Variants in GNB1 observed in about 807,000 individuals in gnomAD.
The protein encoded by GNB1 is G protein subunit beta 1.
A neutral mutation model predicts 42.9 loss-of-function variants in GNB1; 2 were observed. That is an observed-to-expected ratio of 0.05 (90% CI 0.02 to 0.15). The LOEUF (loss-of-function observed/expected upper bound fraction) is 0.15. Ranked by LOEUF, GNB1 falls within the 10% of genes least tolerant of loss-of-function variation. GNB1 has a pLI of 1.00. For missense variants in GNB1, 193 were observed against 462.2 expected (o/e 0.42, Z 5.34); for synonymous variants, 183 against 174.7 (o/e 1.05, Z -0.38).
intron 2 of GNB1, among the ~76,000 whole-genome samples, chr1:1,827,598 C>T (rs919488820): frequency 2.6e-5 from 4 of 152,112 alleles, no homozygotes; most frequent in African/African-American, 4.8e-5. Flanking sequence ...GATTTGTGGA[C>T]GTTAATGTGT....
chr1:1,808,499 C>T (rs1646732427), intron 5 of GNB1, among the ~76,000 whole-genome samples: 1 of 152,158 alleles, frequency 6.6e-6, no homozygotes, highest in Admixed American at 6.5e-5. Flanking sequence ...CTAAGGAACC[C>T]TGTAGCACAG....
At chr1:1,802,137 C>T (rs1166797645) in intron 7 of GNB1, among the ~76,000 whole-genome samples, 1 of 152,168 alleles carries the variant, frequency 6.6e-6, no homozygotes, top group Non-Finnish European at 1.5e-5. Context: ...CCTGCATGAG[C>T]ATTTCATAGA....
chr1:1,806,584 G>A, intron 5 of GNB1, 46 bp from the exon 6 acceptor site: 1 of 1,306,414 alleles, frequency 7.7e-7, no homozygotes, highest in Non-Finnish European at 1.1e-6. Flanking sequence ...GCACAACACA[G>A]AAAGTGTACA....
At chr1:1,859,780 G>A (rs1400846289) in intron 1 of GNB1, among the ~76,000 whole-genome samples, 4 of 151,648 alleles carry the variant, frequency 2.6e-5, no homozygotes, top group African/African-American at 9.7e-5. Flanking sequence ...AGGCCGAGAG[G>A]CGGGCAAATC....
intron 1 of GNB1, among the ~76,000 whole-genome samples, chr1:1,857,250 C>G (rs367992087): frequency 0.14 from 21,680 of 152,126 alleles, 1,807 homozygotes; most frequent in Middle Eastern, 0.3. Flanking sequence ...GGAAACTAAA[C>G]TGGAAACGAG....
intron 1 of GNB1, among the ~76,000 whole-genome samples, chr1:1,880,622 G>A (rs186629869): frequency 6.6e-6 from 1 of 152,096 alleles, no homozygotes; most frequent in East Asian, 1.9e-4. Context: ...GATGAAAACA[G>A]TTCTGACTAA....
At chr1:1,815,728 G>A (rs1325575482) in intron 5 of GNB1, 28 bp downstream of exon 5, 8 of 1,173,930 alleles carry the variant, frequency 6.8e-6, no homozygotes, top group Non-Finnish European at 1.0e-5. Context: ...AATGTAACAA[G>A]CAGCATCCTG....
At chr1:1,852,822 A>G (rs528032113) in intron 1 of GNB1, among the ~76,000 whole-genome samples, 4 of 151,800 alleles carry the variant, frequency 2.6e-5, no homozygotes, top group African/African-American at 9.7e-5. Context: ...TCACCAACCC[A>G]GCTCCACATC....
At chr1:1,882,288 C>T (rs964267028) in intron 1 of GNB1, among the ~76,000 whole-genome samples, 4 of 152,086 alleles carry the variant, frequency 2.6e-5, no homozygotes, top group South Asian at 2.1e-4. Flanking sequence ...ATTAGCTAGG[C>T]GTGGCGGCAT....
At chr1:1,861,239 T>C (rs1379258048) in intron 1 of GNB1, among the ~76,000 whole-genome samples, 1 of 152,008 alleles carries the variant, frequency 6.6e-6, no homozygotes, top group Non-Finnish European at 1.5e-5. Context: ...GGGAGACTGT[T>C]AGAAGCCAGG....
At chr1:1,846,978 C>T (rs1012664149) in intron 1 of GNB1, among the ~76,000 whole-genome samples, 39 of 152,162 alleles carry the variant, frequency 2.6e-4, no homozygotes, top group Non-Finnish European at 4.4e-5. Context: ...TTCTGCCAAC[C>T]AAGAGGCACC....
At chr1:1,860,640 C>CA (rs1367327181) in intron 1 of GNB1, among the ~76,000 whole-genome samples, 1,862 of 72,816 alleles carry the variant, frequency 0.026, 27 homozygotes, top group African/African-American at 0.076. Context: ...CCATCTCCAA[C>CA]AAAAAAAAAA....
intron 1 of GNB1, among the ~76,000 whole-genome samples, chr1:1,841,080 C>T (rs1267745517): frequency 1.3e-5 from 2 of 151,598 alleles, no homozygotes; most frequent in African/African-American, 2.4e-5. Flanking sequence ...TTAGTAGAGA[C>T]GGGTTTTCAC....
chr1:1,831,259 T>G (rs6603796), intron 2 of GNB1, among the ~76,000 whole-genome samples: 1 of 151,952 alleles, frequency 6.6e-6, no homozygotes, highest in African/African-American at 2.4e-5. Flanking sequence ...ATCGCTTGAG[T>G]CCAGGAGTTC....
intron 1 of GNB1, among the ~76,000 whole-genome samples, chr1:1,878,601 A>G (rs578153916): frequency 6.6e-6 from 1 of 152,324 alleles, no homozygotes; most frequent in African/African-American, 2.4e-5. Flanking sequence ...CATCTTTTTC[A>G]GCACACAGCC....
rs75116681 is a variant in GNB1, at chr1:1,881,552, C to T, written c.-96+9268G>A. On this transcript the variant is annotated intron_variant, in intron 1 of 11. Transcript: ENST00000378609. ...ATGAGTAGCTGAGAATACAGGTGTG[C>T]GCCACCAAGCCTAATTTTTATATGT... is the stretch of plus-strand genomic sequence containing the variant. Among the ~76,000 whole-genome samples, 455 of 152,048 alleles carry T rather than the reference C, an allele frequency of 3.0e-3. 17 individuals carry two copies. In the East Asian group the frequency reaches 0.074, roughly 25 times the overall value.
rs867208746 is a variant in GNB1, at chr1:1,815,113, A to T, written c.203+643T>A. Among the ~76,000 whole-genome samples the T allele has an allele frequency of 8.8e-3, 1,222 of 138,880 alleles. 20 individuals carry two copies. The highest frequency in any genetic ancestry group is 0.031 in the African/African-American group (1,171 of 37,836). 91.1% of individuals were successfully genotyped at this position (138,880 alleles called of 152,430 possible). A position where few individuals can be genotyped will look rare whatever the true frequency, so the allele number is the denominator to read the frequency against. Reference sequence around the variant, plus strand: ...GGCAACACAGTGAGACTCCGTCTTTAAAAAAAAAAAAAAAAAGAGAAAAGA... The same window carrying T: ...GGCAACACAGTGAGACTCCGTCTTTTAAAAAAAAAAAAAAAAGAGAAAAGA... On this transcript the variant is annotated intron_variant, in intron 5 of 11. Transcript: ENST00000378609.
At chr1:1,863,563 G>T (rs1648746515) in intron 1 of GNB1, among the ~76,000 whole-genome samples, 2 of 152,108 alleles carry the variant, frequency 1.3e-5, no homozygotes, top group African/African-American at 4.8e-5. Flanking sequence ...TAAACCTAGT[G>T]TTCAGGCTCC....
intron 1 of GNB1, among the ~76,000 whole-genome samples, chr1:1,873,053 CTTGT>C (rs1250803972): frequency 6.6e-6 from 1 of 151,700 alleles, no homozygotes; most frequent in Non-Finnish European, 1.5e-5. Context: ...TGTGCTAAGC[CTTGT>C]TTTTTTTTTT....
Sources: allele counts gnomAD v4.1 joint callset (sites outside exome capture counted in the v4.1 genomes callset), GRCh38; gene constraint gnomAD v4.1.1; transcripts MANE v1.5; gene names NCBI Gene and HGNC (gene_info 2026-07-23, HGNC 2026-07-21).